Variants in TRAT1 observed in about 807,000 individuals in gnomAD.
The protein encoded by TRAT1 is T cell receptor associated transmembrane adaptor 1.
Under a neutral mutation model 20.0 loss-of-function variants are expected in TRAT1, and 20 were observed. The ratio of observed to expected loss-of-function variants is 1.00; its 90% CI spans 0.70 to 1.45. TRAT1 has a LOEUF of 1.45. Among genes scored for constraint, TRAT1 ranks in the 40% most tolerant of loss-of-function variants. The pLI is 0.00. For synonymous variants in TRAT1, 77 were observed against 74.2 expected (o/e 1.04, Z -0.20); for missense variants, 237 against 224.1 (o/e 1.06, Z -0.37).
In TRAT1 at chr3:108,830,800, T is replaced by C. The variant is rs1276747559; in HGVS notation, c.118+20T>C. On this transcript the variant is annotated intron_variant, in intron 2 of 5. Transcript: ENST00000295756. ...GACAAGGTAAGACATTTTGACAAAT[T>C]TCACATGGTACCTGCTTGAATGGAG... The C allele has an allele frequency of 1.2e-5, 18 of 1,505,676 alleles. No homozygotes were observed. The highest frequency in any genetic ancestry group is 1.6e-5 in the Non-Finnish European group (17 of 1,081,390). The allele number at this position is 1,505,676 out of a possible 1,614,324, so 93.3% of individuals were successfully genotyped here.
intron 3 of TRAT1, among the ~76,000 whole-genome samples, chr3:108,844,118 C>A (rs933810911): frequency 6.6e-6 from 1 of 152,186 alleles, no homozygotes; most frequent in African/African-American, 2.4e-5. Flanking sequence ...TCTCTGGCAA[C>A]TTCTCAGGCC....
At chr3:108,840,116 A>G (rs1486625870) in intron 3 of TRAT1, among the ~76,000 whole-genome samples, 4 of 152,054 alleles carry the variant, frequency 2.6e-5, no homozygotes, top group Admixed American at 6.6e-5. Context: ...TTTTTAAAAA[A>G]ATTCTTTTTC....
intron 1 of TRAT1, among the ~76,000 whole-genome samples, chr3:108,825,430 A>T (rs1395709775): frequency 2.0e-5 from 3 of 152,024 alleles, no homozygotes; most frequent in South Asian, 2.1e-4. Context: ...TTTTTTTAAA[A>T]AAAAGGAGTC....
At chr3:108,846,853 A>G (rs1295324782) in intron 3 of TRAT1, among the ~76,000 whole-genome samples, 1 of 152,216 alleles carries the variant, frequency 6.6e-6, no homozygotes, top group African/African-American at 2.4e-5. Flanking sequence ...AGAAGATCCA[A>G]AAACCAACTT....
chr3:108,853,124 C>A (rs1946011339), intron 5 of TRAT1, among the ~76,000 whole-genome samples: 1 of 152,158 alleles, frequency 6.6e-6, no homozygotes, highest in South Asian at 2.1e-4. Flanking sequence ...ATATTGTTAT[C>A]TTTATACTTC....
chr3:108,836,903 C>G (rs1489567112), intron 2 of TRAT1, among the ~76,000 whole-genome samples: 2 of 152,148 alleles, frequency 1.3e-5, no homozygotes, highest in East Asian at 3.8e-4. Flanking sequence ...TGACTAAATT[C>G]TTATGCATCT....
chr3:108,852,645 C>T (rs1035289352), intron 5 of TRAT1, among the ~76,000 whole-genome samples: 4 of 152,168 alleles, frequency 2.6e-5, no homozygotes, highest in African/African-American at 9.7e-5. Context: ...TGTTCAATGG[C>T]TGTCTTAAAG....
At chr3:108,853,553 C>T in intron 5 of TRAT1, 67 bp from the exon 6 acceptor site, 1 of 1,540,064 alleles carries the variant, frequency 6.5e-7, no homozygotes, top group Non-Finnish European at 8.8e-7. Context: ...TCATACGCCA[C>T]AGAAATTTCC....
chr3:108,837,640 T>C (rs1945851651), intron 2 of TRAT1, among the ~76,000 whole-genome samples: 1 of 152,230 alleles, frequency 6.6e-6, no homozygotes, highest in South Asian at 2.1e-4. Flanking sequence ...TTCTCGTGAT[T>C]ATTGTCAGAG....
At chr3:108,830,567 T>C (rs1002192471) in intron 1 of TRAT1, 103 bp from the exon 2 acceptor site, 4 of 777,090 alleles carry the variant, frequency 5.1e-6, no homozygotes, top group Non-Finnish European at 9.0e-6. Context: ...GACTGTGTAC[T>C]TCATTATGAA....
At chr3:108,844,299 G>A (rs574150346) in intron 3 of TRAT1, among the ~76,000 whole-genome samples, 1 of 151,774 alleles carries the variant, frequency 6.6e-6, no homozygotes, top group African/African-American at 2.4e-5. Context: ...TAAGTCCAAG[G>A]TGATCAGGTA....
chr3:108,838,375 TAGATA>T, intron 2 of TRAT1, among the ~76,000 whole-genome samples: 1 of 151,686 alleles, frequency 6.6e-6, no homozygotes, highest in Non-Finnish European at 1.5e-5. Context: ...GATAGATAGA[TAGATA>T]GATAGATAGA....
chr3:108,838,356 T>C (rs1415176353), intron 2 of TRAT1, among the ~76,000 whole-genome samples: 4 of 77,012 alleles, frequency 5.2e-5, no homozygotes, highest in African/African-American at 3.5e-4. Context: ...TATAGATAGA[T>C]GATAGATAGA....
At chr3:108,838,151 C>T (rs749186855) in intron 2 of TRAT1, among the ~76,000 whole-genome samples, 4 of 152,064 alleles carry the variant, frequency 2.6e-5, no homozygotes, top group South Asian at 2.1e-4. Context: ...TCTACTGTTT[C>T]GGTTAATTTT....
At chr3:108,844,661 G>A (rs1231729869) in intron 3 of TRAT1, among the ~76,000 whole-genome samples, 4 of 151,324 alleles carry the variant, frequency 2.6e-5, no homozygotes, top group Admixed American at 6.6e-5. Context: ...TGGCTAACAC[G>A]GTGAAACCCC....
At chr3:108,843,316 G>A (rs112999965) in intron 3 of TRAT1, among the ~76,000 whole-genome samples, 3,542 of 152,252 alleles carry the variant, frequency 0.023, 143 homozygotes, top group African/African-American at 0.079. Context: ...CAGATCACCA[G>A]GTCAAGAGAT....
chr3:108,845,965 T>A (rs1945938525), intron 3 of TRAT1, among the ~76,000 whole-genome samples: 1 of 152,200 alleles, frequency 6.6e-6, no homozygotes, highest in Non-Finnish European at 1.5e-5. Flanking sequence ...GAAGGAACTT[T>A]AATCAGCTAG....
intron 2 of TRAT1, among the ~76,000 whole-genome samples, chr3:108,837,343 T>C (rs1398866416): frequency 6.6e-6 from 1 of 152,224 alleles, no homozygotes; most frequent in African/African-American, 2.4e-5. Context: ...CGCAAAATCT[T>C]CCCTCATTTA....
chr3:108,854,054 C>T lies in TRAT1; in HGVS notation c.*177C>T. The T allele has an allele frequency of 1.8e-6, 1 of 540,552 alleles. No homozygotes were observed. The highest frequency in any genetic ancestry group is 2.7e-5 in the East Asian group (1 of 36,404). 33.5% of individuals were successfully genotyped at this position (540,552 alleles called of 1,614,324 possible). A position where few individuals can be genotyped will look rare whatever the true frequency, so the allele number is the denominator to read the frequency against. On this transcript the variant is annotated 3_prime_UTR_variant, in exon 6 of 6. Transcript: ENST00000295756. ...CACTTATGCATGCCAAATGTAAGGC[C>T]ATGAAAATCAGTATTTCAAATAACT... is the stretch of plus-strand genomic sequence containing the variant.
Sources: allele counts gnomAD v4.1 joint callset (sites outside exome capture counted in the v4.1 genomes callset), GRCh38; gene constraint gnomAD v4.1.1; transcripts MANE v1.5; gene names NCBI Gene and HGNC (gene_info 2026-07-23, HGNC 2026-07-21).